BTC: variants seen among roughly 807,000 people sequenced by gnomAD.
BTC encodes the protein probetacellulin.
BTC carries 13 observed loss-of-function variants against 18.1 expected under a neutral mutation model. The ratio of observed to expected loss-of-function variants is 0.72; its 90% confidence interval spans 0.47 to 1.14. The LOEUF is 1.14. Ranked by LOEUF, BTC falls within the 50% of genes most tolerant of loss-of-function variation. The pLI, the probability that BTC is intolerant of heterozygous loss-of-function variation, is 0.00. For missense variants in BTC, 247 were observed against 224.2 expected, an observed-to-expected ratio of 1.10 and a Z score of -0.65; for synonymous variants, 83 against 79.4, an observed-to-expected ratio of 1.05 and a Z score of -0.24.
intron 2 of BTC, among the ~76,000 whole-genome samples, chr4:74,759,586 A>T (rs1489451652): frequency 6.6e-6 from 1 of 152,076 alleles, no homozygotes; most frequent in Non-Finnish European, 1.5e-5. Flanking sequence ...TATATTTTAA[A>T]ATAAATGTCA....
chr4:74,760,042 C>G (rs1724708232), intron 2 of BTC, among the ~76,000 whole-genome samples: 1 of 152,154 alleles, frequency 6.6e-6, no homozygotes, highest in Non-Finnish European at 1.5e-5. Flanking sequence ...TTTCATAAAA[C>G]CTTTGCTTAT....
At chr4:74,756,367 A>G (rs1724598978) in intron 2 of BTC, among the ~76,000 whole-genome samples, 1 of 152,184 alleles carries the variant, frequency 6.6e-6, no homozygotes, top group Non-Finnish European at 1.5e-5. Flanking sequence ...TGTTTAACTT[A>G]AACATTTACA....
rs2109900066 is a variant in BTC at position 74,770,147 on chromosome 4, A to T, written c.74T>A (p.Ile25Asn). 6.2e-7 allele frequency: 1 copy of T among 1,603,974 alleles called. No homozygotes were observed. The highest frequency in any genetic ancestry group is 1.1e-5 in the South Asian group (1 of 88,780). Residue 25 changes from isoleucine (I) to asparagine (N), a missense_variant, in exon 2 of 6, where the codon ATC (isoleucine) becomes AAC (asparagine). Transcript: ENST00000395743. Reference protein sequence around the residue: ...LLLALALGLVILHCVVADGNS... With the variant: ...LLLALALGLVNLHCVVADGNS... ...CCCATCTGCCACCACACAGTGAAGG[A>T]TCACTAGACCTTCAAATTCAAAACA... is the stretch of plus-strand genomic sequence containing the variant.
chr4:74,776,887 C>CA (rs933084393), intron 1 of BTC, among the ~76,000 whole-genome samples: 31 of 152,122 alleles, frequency 2.0e-4, no homozygotes, highest in African/African-American at 6.3e-4. Context: ...AGATACACTC[C>CA]AAACTTCTAC....
chr4:74,774,701 T>C (rs1725131704), intron 1 of BTC, among the ~76,000 whole-genome samples: 1 of 143,348 alleles, frequency 7.0e-6, no homozygotes, highest in Non-Finnish European at 1.5e-5. Context: ...GTGGGGATTG[T>C]GATGGAAGAG....
intron 2 of BTC, 102 bp downstream of exon 2, chr4:74,769,956 T>TG (rs1560717411): frequency 1.0e-6 from 1 of 956,200 alleles, no homozygotes; most frequent in Non-Finnish European, 1.6e-6. Flanking sequence ...GCACAGTGAC[T>TG]GGTACCTTAA....
At chr4:74,747,250 C>T (rs1724316617) in intron 5 of BTC, among the ~76,000 whole-genome samples, 2 of 152,162 alleles carry the variant, frequency 1.3e-5, no homozygotes, top group Admixed American at 6.5e-5. Flanking sequence ...AGGAGACTGG[C>T]CACTTCAGAT....
chr4:74,747,653 A>G (rs552495068), intron 5 of BTC, among the ~76,000 whole-genome samples: 1 of 152,340 alleles, frequency 6.6e-6, no homozygotes, highest in African/African-American at 2.4e-5. Flanking sequence ...CTGATGCTAC[A>G]TTTAAAGAGC....
chr4:74,793,926 G>A (rs28688403), intron 1 of BTC, among the ~76,000 whole-genome samples: 22,987 of 148,762 alleles, frequency 0.15, 2,747 homozygotes, highest in African/African-American at 0.33. Context: ...CCTCACCCCG[G>A]TGGACAGCCC....
At chr4:74,791,967 T>TCACACA (rs1491346535) in intron 1 of BTC, among the ~76,000 whole-genome samples, 1 of 110,048 alleles carries the variant, frequency 9.1e-6, no homozygotes, top group Admixed American at 1.0e-4. Context: ...ATTTCCACCA[T>TCACACA]CTCACACACA....
intron 3 of BTC, among the ~76,000 whole-genome samples, chr4:74,753,037 A>G (rs1724506006): frequency 6.6e-6 from 1 of 152,192 alleles, no homozygotes; most frequent in Admixed American, 6.5e-5. Context: ...CCTTCAGCAA[A>G]CCAATAACAT....
chr4:74,780,323 G>GA (rs376496835), intron 1 of BTC, among the ~76,000 whole-genome samples: 111 of 152,272 alleles, frequency 7.3e-4, no homozygotes, highest in African/African-American at 2.5e-3. Flanking sequence ...ATTTAACAGC[G>GA]AAGACAAATG....
chr4:74,770,938 T>TGC (rs963603197), intron 1 of BTC, among the ~76,000 whole-genome samples: 5 of 151,948 alleles, frequency 3.3e-5, no homozygotes, highest in African/African-American at 9.7e-5. Context: ...TGTGTGTGTG[T>TGC]GTGTGTGTGT....
intron 2 of BTC, among the ~76,000 whole-genome samples, chr4:74,762,880 C>T (rs916268536): frequency 1.3e-5 from 2 of 152,148 alleles, no homozygotes; most frequent in African/African-American, 2.4e-5. Flanking sequence ...AAGCTCAATC[C>T]TTAATTAGAA....
chr4:74,769,252 T>C (rs1724979118), intron 2 of BTC, among the ~76,000 whole-genome samples: 1 of 152,124 alleles, frequency 6.6e-6, no homozygotes, highest in African/African-American at 2.4e-5. Context: ...AAGTCAGAAA[T>C]AACCCCTGTA....
intron 1 of BTC, among the ~76,000 whole-genome samples, chr4:74,784,256 A>T (rs1413344854): frequency 2.6e-5 from 4 of 151,760 alleles, no homozygotes; most frequent in Non-Finnish European, 4.4e-5. Flanking sequence ...AAAAGAAAAA[A>T]GAATGCTAGT....
chr4:74,754,211 T>C (rs1380541618), intron 3 of BTC, among the ~76,000 whole-genome samples: 6 of 152,188 alleles, frequency 3.9e-5, no homozygotes, highest in Non-Finnish European at 7.3e-5. Context: ...AAGGCCTTGG[T>C]CTGGAAATTT....
chr4:74,750,480 G>T, intron 4 of BTC, 93 bp downstream of exon 4: 1 of 1,328,354 alleles, frequency 7.5e-7, no homozygotes, highest in Non-Finnish European at 1.0e-6. Flanking sequence ...CAAAGAAAAA[G>T]CAAAAGAGAA....
intron 1 of BTC, among the ~76,000 whole-genome samples, chr4:74,784,527 C>A (rs1725426538): frequency 2.0e-5 from 3 of 152,090 alleles, no homozygotes; most frequent in Non-Finnish European, 4.4e-5. Flanking sequence ...ATGCTTGCAG[C>A]TTTTGCCCAT....
Sources: gnomAD v4.1 joint callset for allele counts (sites outside exome capture counted in the v4.1 genomes callset) on GRCh38, gnomAD v4.1.1 for gene constraint, MANE v1.5 for transcripts, NCBI Gene and HGNC (gene_info 2026-07-23, HGNC 2026-07-21) for gene names.